Variants in DIP2B observed in about 807,000 individuals in gnomAD.
The protein encoded by DIP2B is DIP2 acetate--CoA ligase B (putative).
In DIP2B, 76 loss-of-function variants were observed where a neutral mutation model predicts 198.0. That is an observed-to-expected ratio of 0.38 (90% CI 0.32 to 0.46). The LOEUF is 0.46. Ranked by LOEUF, DIP2B falls within the 20% of genes least tolerant of loss-of-function variation. The probability of loss-of-function intolerance (pLI) is 0.99; values close to 1 mark genes in which losing one functional copy is unlikely to be tolerated. For synonymous variants in DIP2B, 701 were observed against 739.1 expected, an observed-to-expected ratio of 0.95 and a Z score of 0.84; for missense variants, 1,559 against 1,978.4, an observed-to-expected ratio of 0.79 and a Z score of 4.02.
intron 1 of DIP2B, among the ~76,000 whole-genome samples, chr12:50,535,252 T>A (rs577357246): frequency 3.9e-5 from 6 of 152,002 alleles, no homozygotes; most frequent in African/African-American, 1.4e-4. Context: ...AAAAATAAAT[T>A]AACTGGGCAG....
rs11306905 is a variant in DIP2B at position 50,697,533 on chromosome 12, CTTTTTTTTTTTT to C, written c.2048+374_2048+385del. On this transcript the variant is annotated intron_variant, in intron 17 of 37. Coordinates refer to ENST00000301180, the MANE Select transcript of DIP2B (RefSeq NM_173602.3). ...ATGTGTGTGTGTGTATATAGATATA[CTTTTTTTTTTTT>C]TTTTTTTTTTTTTTTAGATAGGATC... Among the ~76,000 whole-genome samples, 671 of 46,002 alleles carry C rather than the reference CTTTTTTTTTTTT, an allele frequency of 0.015. 56 individuals carry two copies. In the East Asian group the frequency reaches 0.28, roughly 20 times the overall value. The allele number at this position is 46,002 out of a possible 152,430, so 30.2% of individuals were successfully genotyped here. A position where few individuals can be genotyped will look rare whatever the true frequency, so the allele number is the denominator to read the frequency against.
intron 1 of DIP2B, among the ~76,000 whole-genome samples, chr12:50,611,448 T>C (rs746040602): frequency 6.6e-6 from 1 of 152,220 alleles, no homozygotes; most frequent in Non-Finnish European, 1.5e-5. Flanking sequence ...ACATTTATTC[T>C]TTTGCTGAGG....
intron 23 of DIP2B, among the ~76,000 whole-genome samples, chr12:50,716,638 A>G (rs139603598): frequency 6.6e-6 from 1 of 152,358 alleles, no homozygotes; most frequent in East Asian, 1.9e-4. Context: ...AATTGATTAT[A>G]TGATTTAAGT....
rs577663914 is a variant in DIP2B at position 50,700,863 on chromosome 12, A to G, written c.2325+1661A>G. Among the ~76,000 whole-genome samples the G allele has an allele frequency of 7.6e-4, 116 of 152,170 alleles. 1 individual carries two copies. Among genetic ancestry groups the G allele is most frequent in the Admixed American group, 7.3e-3 (112 of 15,284 alleles). ...GTGTATATACATTTAACTAATTTAA[A>G]TCTCACCCTATTTATTTCTGTCACC... is the stretch of plus-strand genomic sequence containing the variant. On this transcript the variant is annotated intron_variant, in intron 19 of 37. Coordinates refer to ENST00000301180, the MANE Select transcript of DIP2B (RefSeq NM_173602.3).
At chr12:50,685,982 C>T (rs751207966) in intron 11 of DIP2B, 26 bp downstream of exon 11, 1 of 1,601,078 alleles carries the variant, frequency 6.2e-7, no homozygotes, top group Non-Finnish European at 8.5e-7. Flanking sequence ...CCTGAATTAT[C>T]AGTTAAAAGT....
intron 4 of DIP2B, among the ~76,000 whole-genome samples, chr12:50,670,045 G>A (rs751595064): frequency 1.3e-4 from 20 of 152,146 alleles, no homozygotes; most frequent in South Asian, 1.0e-3. Flanking sequence ...CTTTAACTGC[G>A]TGCTTCATAA....
chr12:50,563,113 A>T (rs945365405), intron 1 of DIP2B, among the ~76,000 whole-genome samples: 2 of 152,140 alleles, frequency 1.3e-5, no homozygotes, highest in Non-Finnish European at 2.9e-5. Flanking sequence ...CATTTGTTTG[A>T]GTCATTTGGG....
intron 36 of DIP2B, 110 bp from the exon 37 acceptor site, chr12:50,741,305 GT>G: frequency 7.4e-7 from 1 of 1,351,598 alleles, no homozygotes; most frequent in South Asian, 1.5e-5. Context: ...TACACAGTTG[GT>G]AGGGGCAGAG....
At chr12:50,724,673 G>A in intron 27 of DIP2B, 102 bp from the exon 28 acceptor site, 8 of 894,450 alleles carry the variant, frequency 8.9e-6, no homozygotes, top group African/African-American at 3.3e-5. Flanking sequence ...AAACTGTCCT[G>A]TCCAGTGTGG....
chr12:50,686,521 T>C (rs1939133502), intron 11 of DIP2B, 52 bp from the exon 12 acceptor site: 1 of 1,537,686 alleles, frequency 6.5e-7, no homozygotes, highest in South Asian at 1.1e-5. Flanking sequence ...TCAGTGTGAA[T>C]TCATTCCCTG....
At chr12:50,547,177 T>C (rs1204253874) in intron 1 of DIP2B, among the ~76,000 whole-genome samples, 2 of 152,226 alleles carry the variant, frequency 1.3e-5, no homozygotes, top group East Asian at 3.8e-4. Context: ...AATAAACTTG[T>C]ATGTTTAACT....
In DIP2B at chr12:50,714,419, G is replaced by A; in HGVS notation, c.2674G>A (p.Gly892Arg). ...GGCGATCGATAGCATTCATCAAGTG[G>A]GGGTTTATTGTCTTGCTCTGGTGCC... ...LQAIDSIHQV[G>R]VYCLALVPAN... Residue 892 changes from glycine (G) to arginine (R), a missense_variant, in exon 23 of 38, where the codon GGG (glycine) becomes AGG (arginine). Physicochemically the swap from Gly to Arg is moderately radical, Grantham distance 125. Coordinates refer to ENST00000301180, the MANE Select transcript of DIP2B (RefSeq NM_173602.3). 3 of 1,614,132 alleles carry A rather than the reference G, an allele frequency of 1.9e-6. No individual in the cohort carries two copies. Among genetic ancestry groups the A allele is most frequent in the Non-Finnish European group, 2.5e-6 (3 of 1,180,026 alleles).
intron 1 of DIP2B, among the ~76,000 whole-genome samples, chr12:50,590,571 T>C (rs1958810453): frequency 6.6e-6 from 1 of 152,102 alleles, no homozygotes; most frequent in Admixed American, 6.6e-5. Flanking sequence ...GGTTTCACCA[T>C]GTTGGCCAGG....
chr12:50,541,958 C>T (rs1958329779), intron 1 of DIP2B, among the ~76,000 whole-genome samples: 1 of 147,304 alleles, frequency 6.8e-6, no homozygotes, highest in Non-Finnish European at 1.5e-5. Context: ...GCCGAAATTG[C>T]GCCACTGCAC....
intron 35 of DIP2B, among the ~76,000 whole-genome samples, chr12:50,738,039 A>G (rs1287012963): frequency 6.6e-6 from 1 of 152,152 alleles, no homozygotes; most frequent in East Asian, 1.9e-4. Context: ...TTCCTCATCC[A>G]TAAATAATAA....
At chr12:50,629,474 G>A (rs1938000574) in intron 2 of DIP2B, among the ~76,000 whole-genome samples, 1 of 152,132 alleles carries the variant, frequency 6.6e-6, no homozygotes. Flanking sequence ...TGAGCTTGGT[G>A]GTCCAGGGAC....
chr12:50,684,811 C>G (rs1939106450), intron 10 of DIP2B, among the ~76,000 whole-genome samples: 1 of 150,334 alleles, frequency 6.7e-6, no homozygotes, highest in Non-Finnish European at 1.5e-5. Flanking sequence ...AAGAAATCAG[C>G]CGGGCCGCAG....
At position 50,579,611 on chromosome 12, in the gene DIP2B, C is replaced by CA. The variant is rs1160480924; in HGVS notation, c.101-46331dup. On this transcript the variant is annotated intron_variant, in intron 1 of 37. Coordinates refer to ENST00000301180, the MANE Select transcript of DIP2B (RefSeq NM_173602.3). ...TGGGTGATAGAGTGAGACTCCGTCT[C>CA]AAAAAAAAAAAAAAAAAAAAAAAAA... Among the ~76,000 whole-genome samples, 3 of 6,886 alleles carry CA rather than the reference C, an allele frequency of 4.4e-4. 1 individual carries two copies. Among genetic ancestry groups the CA allele is most frequent in the Non-Finnish European group, 6.9e-4 (3 of 4,342 alleles). 4.5% of individuals were successfully genotyped at this position (6,886 alleles called of 152,430 possible). A position where few individuals can be genotyped will look rare whatever the true frequency, so the allele number is the denominator to read the frequency against.
intron 1 of DIP2B, among the ~76,000 whole-genome samples, chr12:50,551,494 C>T (rs1016057044): frequency 1.3e-5 from 2 of 152,078 alleles, no homozygotes; most frequent in African/African-American, 4.8e-5. Flanking sequence ...CCCGGGCTGG[C>T]GTGCAGTAGC....
Sources: gnomAD v4.1 joint callset for allele counts (sites outside exome capture counted in the v4.1 genomes callset) on GRCh38, gnomAD v4.1.1 for gene constraint, MANE v1.5 for transcripts, NCBI Gene and HGNC (gene_info 2026-07-23, HGNC 2026-07-21) for gene names.